NPHP4: variants seen among roughly 807,000 people sequenced by gnomAD.
NPHP4 encodes the protein nephrocystin 4.
NPHP4 carries 151 observed loss-of-function variants against 155.8 expected under a neutral mutation model. The ratio of observed to expected loss-of-function variants is 0.97; its 90% confidence interval spans 0.85 to 1.11. The LOEUF is 1.11. NPHP4 is among the 50% of genes least tolerant of loss of function. The probability of loss-of-function intolerance (pLI) is 0.00; values close to 1 mark genes in which losing one functional copy is unlikely to be tolerated. For synonymous variants in NPHP4, 845 were observed against 816.8 expected, an observed-to-expected ratio of 1.03 and a Z score of -0.59; for missense variants, 1,956 against 1,925.7, an observed-to-expected ratio of 1.02 and a Z score of -0.29.
At position 5,966,667 on chromosome 1, in the gene NPHP4, C is replaced by T. The variant is rs1651563175; in HGVS notation, c.517+632G>A. ...TCCCCAACAGATCCACCTCCGGCCA[C>T]TCTTCCCCACCCACACTCCCCCAAC... On this transcript the variant is annotated intron_variant, in intron 5 of 29. Coordinates refer to ENST00000378156, the MANE Select transcript of NPHP4 (RefSeq NM_015102.5). Among the ~76,000 whole-genome samples the T allele has an allele frequency of 2.6e-5, 4 of 152,272 alleles. 1 individual carries two copies. In the South Asian group the frequency reaches 8.3e-4, roughly 32 times the overall value.
chr1:5,911,438 G>A (rs1452181266), intron 11 of NPHP4, among the ~76,000 whole-genome samples: 3 of 152,238 alleles, frequency 2.0e-5, no homozygotes, highest in African/African-American at 7.2e-5. Flanking sequence ...GGGCACTCGG[G>A]GGCCAGCCCT....
chr1:5,866,932 T>C, intron 25 of NPHP4, 98 bp downstream of exon 25: 3 of 920,396 alleles, frequency 3.3e-6, no homozygotes, highest in East Asian at 2.6e-5. Flanking sequence ...GCAGAAAACC[T>C]AAAATGAAGA....
At chr1:5,922,254 A>AT (rs1645779528) in intron 11 of NPHP4, among the ~76,000 whole-genome samples, 1 of 152,236 alleles carries the variant, frequency 6.6e-6, no homozygotes, top group African/African-American at 2.4e-5. Flanking sequence ...TGAGCCCTCG[A>AT]TTTAAGACTA....
intron 23 of NPHP4, among the ~76,000 whole-genome samples, chr1:5,868,564 G>A (rs796377086): frequency 2.8e-5 from 4 of 144,146 alleles, no homozygotes; most frequent in East Asian, 4.3e-4. Context: ...ACCCACACAT[G>A]CACCCATACA....
chr1:5,911,735 G>A (rs186886625), intron 11 of NPHP4, among the ~76,000 whole-genome samples: 6 of 152,266 alleles, frequency 3.9e-5, no homozygotes, highest in East Asian at 1.9e-4. Flanking sequence ...AGATCCAACC[G>A]GTGAAGCAGA....
chr1:5,978,161 C>T (rs746181618), intron 3 of NPHP4, 109 bp downstream of exon 3: 331 of 1,004,016 alleles, frequency 3.3e-4, no homozygotes, highest in South Asian at 7.3e-4. Flanking sequence ...AAGTCTGAGA[C>T]GCGCTGTGAG....
At chr1:5,921,614 T>C (rs1645744080) in intron 11 of NPHP4, among the ~76,000 whole-genome samples, 1 of 152,264 alleles carries the variant, frequency 6.6e-6, no homozygotes, top group Non-Finnish European at 1.5e-5. Flanking sequence ...TTGGTTATTC[T>C]GGTTTCTTCT....
At chr1:5,879,721 G>GGC in intron 19 of NPHP4, 1 of 437,660 alleles carries the variant, frequency 2.3e-6, no homozygotes, top group South Asian at 1.7e-5. Flanking sequence ...GCTGCATATG[G>GGC]ACAGCACAGT....
intron 16 of NPHP4, among the ~76,000 whole-genome samples, chr1:5,898,558 C>T (rs1300673523): frequency 6.6e-6 from 1 of 152,240 alleles, no homozygotes; most frequent in Non-Finnish European, 1.5e-5. Flanking sequence ...CCTCAGATGC[C>T]GCTCTCTGAG....
chr1:5,947,679 ATGTC>A (rs1647183152), intron 8 of NPHP4, among the ~76,000 whole-genome samples: 1 of 152,164 alleles, frequency 6.6e-6, no homozygotes, highest in Non-Finnish European at 1.5e-5. Flanking sequence ...CCCTGCAGTG[ATGTC>A]TGTGACACCT....
chr1:5,913,106 G>A (rs915638245), intron 11 of NPHP4, among the ~76,000 whole-genome samples: 2 of 148,242 alleles, frequency 1.3e-5, no homozygotes, highest in African/African-American at 5.0e-5. Context: ...AGCAGAGATC[G>A]CGCCACTGCA....
intron 16 of NPHP4, among the ~76,000 whole-genome samples, chr1:5,893,341 T>C (rs563928915): frequency 3.8e-4 from 58 of 152,274 alleles, no homozygotes; most frequent in African/African-American, 1.3e-3. Flanking sequence ...CTGTTATTTA[T>C]TGGATACAAA....
intron 1 of NPHP4, among the ~76,000 whole-genome samples, chr1:5,987,825 T>C (rs1218315148): frequency 6.6e-6 from 1 of 152,190 alleles, no homozygotes; most frequent in Non-Finnish European, 1.5e-5. Flanking sequence ...ACATGGGTAC[T>C]TGGCAGACAT....
intron 2 of NPHP4, among the ~76,000 whole-genome samples, chr1:5,980,550 C>T (rs1654503528): frequency 6.6e-6 from 1 of 152,070 alleles, no homozygotes; most frequent in Admixed American, 6.5e-5. Flanking sequence ...CCCGCAGCTG[C>T]CATGTGGGGG....
intron 11 of NPHP4, among the ~76,000 whole-genome samples, chr1:5,918,047 G>A (rs78825568): frequency 0.041 from 6,276 of 152,260 alleles, 180 homozygotes; most frequent in African/African-American, 0.083. Flanking sequence ...TTAAGCTACC[G>A]AGATCTGGAG....
chr1:5,908,548 G>A (rs554882088), intron 12 of NPHP4, among the ~76,000 whole-genome samples: 8 of 152,194 alleles, frequency 5.3e-5, no homozygotes, highest in African/African-American at 9.6e-5. Flanking sequence ...CGGGTGTCTC[G>A]GGACTCCAGA....
At chr1:5,885,281 G>GC (rs1157546260) in intron 18 of NPHP4, among the ~76,000 whole-genome samples, 1 of 147,162 alleles carries the variant, frequency 6.8e-6, no homozygotes, top group Non-Finnish European at 1.5e-5. Flanking sequence ...CAAGATAAGT[G>GC]CCCAAGCTCC....
intron 20 of NPHP4, 140 bp downstream of exon 20, chr1:5,876,953 A>G: frequency 1.7e-6 from 1 of 574,552 alleles, no homozygotes; most frequent in Non-Finnish European, 2.7e-6. Flanking sequence ...GTGGCTGAAA[A>G]AGTCCGATTT....
In NPHP4 at chr1:5,867,900, T is replaced by C. The variant is rs777714376; in HGVS notation, c.3316-4A>G. On this transcript the variant is annotated splice_region_variant and splice_polypyrimidine_tract_variant and intron_variant, in intron 23 of 29. Transcript: ENST00000378156. This position sits in a 1 kb window ranked among gnomAD's most constrained non-coding sequence, Gnocchi z 4.1. ...CACCACTCGCTCGGAACAAGACCTGTGAGGAGGCCACGCTGAGTGTTGGGA... is the reference window on the plus strand; with the variant it reads ...CACCACTCGCTCGGAACAAGACCTGCGAGGAGGCCACGCTGAGTGTTGGGA... The C allele has an allele frequency of 1.2e-6, 2 of 1,613,934 alleles. No individual in the cohort carries two copies. The highest frequency in any genetic ancestry group is 1.7e-6 in the Non-Finnish European group (2 of 1,179,860).
Sources: allele counts gnomAD v4.1 joint callset (sites outside exome capture counted in the v4.1 genomes callset), GRCh38; gene constraint gnomAD v4.1.1; non-coding constraint Gnocchi (gnomAD v3.1); transcripts MANE v1.5; gene names NCBI Gene and HGNC (gene_info 2026-07-23, HGNC 2026-07-21).